Variants in SI observed in about 807,000 individuals in gnomAD.
SI encodes sucrase-isomaltase, also known as sucrase-isomaltase, intestinal.
In SI, 235 loss-of-function variants were observed where a neutral mutation model predicts 253.3. The ratio of observed to expected loss-of-function variants is 0.93; its 90% CI spans 0.83 to 1.03. The LOEUF is 1.03. SI is among the 50% of genes least tolerant of loss of function. The pLI, the probability that SI is intolerant of heterozygous loss-of-function variation, is 0.00. For missense variants in SI, 2,442 were observed against 2,211.1 expected (o/e 1.10, Z -2.09); for synonymous variants, 819 against 712.0 (o/e 1.15, Z -2.39).
At position 165,040,824 on chromosome 3, in the gene SI, T is replaced by C. The variant is rs980601156; in HGVS notation, c.2159+116A>G. On this transcript the variant is annotated intron_variant, in intron 18 of 47. Coordinates refer to ENST00000264382, the MANE Select transcript of SI (RefSeq NM_001041.4). ...GCTCTTCAAATCATTTACACCAATG[T>C]AAAAACAAGCAGCAGAAGTTTAATT... 4 of 802,822 alleles carry C rather than the reference T, an allele frequency of 5.0e-6. No individual in the cohort carries two copies. The African/African-American group carries it at 5.2e-5, about 10-fold the overall frequency. The allele number at this position is 802,822 out of a possible 1,614,324, so 49.7% of individuals were successfully genotyped here.
intron 3 of SI, among the ~76,000 whole-genome samples, chr3:165,073,279 C>T (rs1425769583): frequency 1.3e-5 from 2 of 151,722 alleles, no homozygotes; most frequent in Admixed American, 6.6e-5. Flanking sequence ...CTCTGTCACC[C>T]AGGCTGGAAT....
intron 15 of SI, among the ~76,000 whole-genome samples, chr3:165,047,811 A>T (rs1713201803): frequency 6.7e-6 from 1 of 148,620 alleles, no homozygotes; most frequent in Non-Finnish European, 1.5e-5. Context: ...ATTAGCAGGC[A>T]AGGTTGGGAT....
At chr3:165,041,160 A>T (rs1178251243) in intron 17 of SI, 66 bp from the exon 18 acceptor site, 23 of 1,429,422 alleles carry the variant, frequency 1.6e-5, no homozygotes, top group Non-Finnish European at 1.9e-5. Context: ...AAGTAGAAGC[A>T]TTTTAATCTG....
intron 34 of SI, 25 bp from the exon 35 acceptor site, chr3:165,009,420 C>A: frequency 7.7e-7 from 1 of 1,302,280 alleles, no homozygotes; most frequent in East Asian, 2.3e-5. Flanking sequence ...TTTAGGCTCA[C>A]ATGTGGAAAG....
At position 164,992,366 on chromosome 3, in the gene SI, A is replaced by G; in HGVS notation, c.4873T>C (p.Phe1625Leu). Residue 1625 changes from phenylalanine to leucine, a missense_variant, in exon 42 of 48, where the codon TTC becomes CTC. Transcript: ENST00000264382. ...GCTGGACCCCATAAGAACTGCTTGAATATATCCCAGGTTGGTTTTTCATCA... is the reference window on the plus strand; with the variant it reads ...GCTGGACCCCATAAGAACTGCTTGAGTATATCCCAGGTTGGTTTTTCATCA... Reference protein sequence around the residue: ...FFDEKPTWDIFKQFLWGPAFM... With the variant: ...FFDEKPTWDILKQFLWGPAFM... 6.2e-7 allele frequency: 1 copy of G among 1,613,090 alleles called. No individual in the cohort carries two copies. Among genetic ancestry groups the G allele is most frequent in the Middle Eastern group, 1.7e-4 (1 of 6,046 alleles).
intron 16 of SI, among the ~76,000 whole-genome samples, chr3:165,045,822 G>T (rs1713074604): frequency 7.0e-6 from 1 of 142,916 alleles, no homozygotes; most frequent in African/African-American, 2.6e-5. Flanking sequence ...TTTGACTCAT[G>T]AATGAATTTG....
intron 25 of SI, 55 bp from the exon 26 acceptor site, chr3:165,023,831 C>T: frequency 3.1e-6 from 4 of 1,279,908 alleles, no homozygotes; most frequent in Non-Finnish European, 4.5e-6. Context: ...TAATATTTTA[C>T]TCTTTAAAAT....
At chr3:164,989,444 A>AG in intron 44 of SI, among the ~76,000 whole-genome samples, 1 of 148,932 alleles carries the variant, frequency 6.7e-6, no homozygotes, top group African/African-American at 2.4e-5. Flanking sequence ...AAGGAAAGAA[A>AG]GAAGAGAGGA....
chr3:165,081,967 C>A (rs1715343111), upstream of SI, among the ~76,000 whole-genome samples: 3 of 151,954 alleles, frequency 2.0e-5, no homozygotes, highest in Admixed American at 6.6e-5. Context: ...AAGGCATATA[C>A]AAGTGCTAGT....
intron 16 of SI, among the ~76,000 whole-genome samples, chr3:165,044,481 C>T (rs1435760418): frequency 3.3e-5 from 5 of 151,920 alleles, no homozygotes; most frequent in Non-Finnish European, 7.4e-5. Flanking sequence ...TATCTCACCA[C>T]AGTTTTTACT....
Position 165,001,746 on chromosome 3 carries a change from T to G in SI, c.4407-3073A>C, listed in dbSNP as rs1372107166. 5.3e-5 allele frequency among the ~76,000 whole-genome samples: 8 copies of G among 151,568 alleles called. No individual in the cohort carries two copies. The South Asian group carries it at 1.7e-3, about 31-fold the overall frequency. The stretch of plus-strand genomic sequence containing the variant: ...AGTTACAGCTATAACTAAAGTAACT[T>G]CTAAATTAGTGAATGAGGTGAGGTA... On this transcript the variant is annotated intron_variant, in intron 37 of 47. Transcript: ENST00000264382.
At chr3:165,086,102 A>C in the SI span, among the ~76,000 whole-genome samples, 1 of 152,026 alleles carries the variant, frequency 6.6e-6, no homozygotes, top group Non-Finnish European at 1.5e-5. Context: ...AAAAGTACAA[A>C]AATTAGCAGG....
rs72166578 is a variant in SI, at chr3:165,070,345, C to CATAT, written c.256-1154_256-1151dup. 1.3e-3 allele frequency among the ~76,000 whole-genome samples: 176 copies of CATAT among 139,476 alleles called. 1 individual carries two copies. The highest frequency in any genetic ancestry group is 4.4e-3 in the African/African-American group (167 of 37,676). The allele number at this position is 139,476 out of a possible 152,430, so 91.5% of individuals were successfully genotyped here. ...ATATATATAAAATCTCTCTAAACAC[C>CATAT]ATATATATATATATATATATGTGTG... On this transcript the variant is annotated intron_variant, in intron 3 of 47. Coordinates refer to ENST00000264382, the MANE Select transcript of SI (RefSeq NM_001041.4).
intron 7 of SI, among the ~76,000 whole-genome samples, chr3:165,063,984 C>T (rs984074598): frequency 1.1e-4 from 17 of 151,246 alleles, no homozygotes; most frequent in African/African-American, 1.2e-4. Flanking sequence ...GCAGGAGAAT[C>T]GCTTGAACCC....
At position 164,979,172 on chromosome 3, in the gene SI, T is replaced by A; in HGVS notation, c.*190A>T. The A allele has an allele frequency of 1.8e-6, 1 of 559,286 alleles. No homozygotes were observed. The highest frequency in any genetic ancestry group is 3.2e-6 in the Non-Finnish European group (1 of 312,018). The allele number at this position is 559,286 out of a possible 1,614,324, so 34.6% of individuals were successfully genotyped here. ...AAATTTTGTTAAATATGCCTTAAAA[T>A]TGAATCCAAGTCACATTACTATAAT... On this transcript the variant is annotated 3_prime_UTR_variant, in exon 48 of 48. Coordinates refer to ENST00000264382, the MANE Select transcript of SI (RefSeq NM_001041.4).
chr3:165,049,847 T>C lies in SI; in HGVS notation c.1541A>G (p.Gln514Arg). ...IDMNEVSSFI[Q>R]GSTKGCNVNK... Reference sequence around the variant, plus strand: ...TACATTACATCCTTTTGTTGAACCTTGAATAAAGCTGGAAACTTCATTCAT... The same window carrying C: ...TACATTACATCCTTTTGTTGAACCTCGAATAAAGCTGGAAACTTCATTCAT... The change falls in exon 14 of 48, where the codon CAA (glutamine) becomes CGA (arginine). Residue 514 changes from glutamine to arginine, a missense_variant. Physicochemically the swap from Gln to Arg is conservative, Grantham distance 43. Transcript: ENST00000264382. 1.2e-6 allele frequency: 2 copies of C among 1,607,984 alleles called. No individual in the cohort carries two copies. Among genetic ancestry groups the C allele is most frequent in the Non-Finnish European group, 1.7e-6 (2 of 1,175,082 alleles).
rs1435875720 is a variant in SI at position 165,017,686 on chromosome 3, T to A, written c.3634-13A>T. On this transcript the variant is annotated splice_polypyrimidine_tract_variant and intron_variant, in intron 30 of 47. Coordinates refer to ENST00000264382, the MANE Select transcript of SI (RefSeq NM_001041.4). Reference sequence around the variant, plus strand: ...GATGGCCAATTACCTTTAAAAAAAATTCATGTGTGAACTAAGAGAATTACT... The same window carrying A: ...GATGGCCAATTACCTTTAAAAAAAAATCATGTGTGAACTAAGAGAATTACT... The A allele has an allele frequency of 1.9e-6, 3 of 1,611,724 alleles. No homozygotes were observed. The highest frequency in any genetic ancestry group is 1.7e-5 in the Admixed American group (1 of 59,844).
At chr3:165,051,645 A>C (rs1713436786) in intron 13 of SI, among the ~76,000 whole-genome samples, 3 of 152,082 alleles carry the variant, frequency 2.0e-5, no homozygotes, top group African/African-American at 7.2e-5. Flanking sequence ...AAATTTTAAA[A>C]GAGTCTTTTT....
chr3:165,049,702 G>T (rs1192271093), intron 14 of SI, 89 bp downstream of exon 14: 2 of 773,874 alleles, frequency 2.6e-6, no homozygotes, highest in African/African-American at 1.8e-5. Context: ...ACCAAAAATT[G>T]TAATTTAGAA....
Sources: gnomAD v4.1 joint callset for allele counts (sites outside exome capture counted in the v4.1 genomes callset) on GRCh38, gnomAD v4.1.1 for gene constraint, MANE v1.5 for transcripts, NCBI Gene and HGNC (gene_info 2026-07-23, HGNC 2026-07-21) for gene names.